SUCLG2: variants seen among roughly 807,000 people sequenced by gnomAD.
The protein encoded by SUCLG2 is succinate-CoA ligase GDP-forming subunit beta.
Under a neutral mutation model 47.9 loss-of-function variants are expected in SUCLG2, and 42 were observed. The ratio of observed to expected loss-of-function variants is 0.88; its 90% CI spans 0.69 to 1.14. The LOEUF (loss-of-function observed/expected upper bound fraction) is 1.14, where lower values mean the gene tolerates loss of function less well. SUCLG2 is among the 50% of genes most tolerant of loss of function. The probability of loss-of-function intolerance (pLI) is 0.00; values close to 1 mark genes in which losing one functional copy is unlikely to be tolerated. For missense variants in SUCLG2, 571 were observed against 525.9 expected (o/e 1.09, Z -0.84); for synonymous variants, 195 against 197.3 (o/e 0.99, Z 0.10).
intron 9 of SUCLG2, among the ~76,000 whole-genome samples, chr3:67,420,868 T>A (rs1457739250): frequency 6.6e-6 from 1 of 152,208 alleles, no homozygotes; most frequent in African/African-American, 2.4e-5. Flanking sequence ...GTAAGAAACA[T>A]GACTGTCATC....
At chr3:67,442,372 C>T (rs959876527) in intron 9 of SUCLG2, among the ~76,000 whole-genome samples, 4 of 152,146 alleles carry the variant, frequency 2.6e-5, no homozygotes, top group African/African-American at 9.7e-5. Context: ...ACTATGGTAC[C>T]TGGAACAGCG....
intron 1 of SUCLG2, among the ~76,000 whole-genome samples, chr3:67,623,030 A>G (rs563355648): frequency 6.6e-6 from 1 of 152,362 alleles, no homozygotes; most frequent in African/African-American, 2.4e-5. Context: ...AAATAACTCT[A>G]GAAGTTGTTT....
At chr3:67,514,337 G>T in intron 6 of SUCLG2, 2 of 374,354 alleles carry the variant, frequency 5.3e-6, no homozygotes, top group South Asian at 5.3e-5. Context: ...TGGCAATGAT[G>T]ACTATGTGTA....
chr3:67,362,649 G>A lies in SUCLG2; in HGVS notation c.1184-1881C>T, dbSNP rs181381382. Among the ~76,000 whole-genome samples the A allele has an allele frequency of 1.5e-3, 227 of 152,250 alleles. 1 individual carries two copies. The highest frequency in any genetic ancestry group is 4.7e-3 in the African/African-American group (197 of 41,558). ...AGATAATATAGTGTATTAGGTACAC[G>A]CTACCTAATGCAGTGACAGGCACCA... is the stretch of plus-strand genomic sequence containing the variant. On this transcript the variant is annotated intron_variant, in intron 10 of 10. Coordinates refer to the SUCLG2 transcript ENST00000493112.
chr3:67,393,160 A>G (rs1050061662), intron 10 of SUCLG2, among the ~76,000 whole-genome samples: 1 of 152,236 alleles, frequency 6.6e-6, no homozygotes, highest in African/African-American at 2.4e-5. Context: ...GGAGTGCCAG[A>G]CAGTGGGCGC....
intron 2 of SUCLG2, among the ~76,000 whole-genome samples, chr3:67,559,248 G>A (rs985550400): frequency 1.4e-4 from 21 of 152,256 alleles, no homozygotes; most frequent in African/African-American, 4.3e-4. Flanking sequence ...TAGTATGAAC[G>A]AGTAAGAAAA....
At chr3:67,520,340 G>A in intron 5 of SUCLG2, 142 bp downstream of exon 5, 3 of 1,225,514 alleles carry the variant, frequency 2.4e-6, no homozygotes, top group Non-Finnish European at 3.5e-6. Flanking sequence ...TGGATACCCA[G>A]AAAGAAAAAG....
At chr3:67,487,288 T>C (rs1705078504) in intron 9 of SUCLG2, among the ~76,000 whole-genome samples, 2 of 152,102 alleles carry the variant, frequency 1.3e-5, no homozygotes, top group African/African-American at 4.8e-5. Flanking sequence ...ACAAGTTTCA[T>C]GGGAAACTAA....
At chr3:67,431,756 G>A (rs755602699) in intron 9 of SUCLG2, among the ~76,000 whole-genome samples, 2 of 148,612 alleles carry the variant, frequency 1.3e-5, no homozygotes, top group Non-Finnish European at 3.0e-5. Flanking sequence ...CGGGAGGGGG[G>A]AGGGATACCA....
At chr3:67,626,322 C>A (rs1446666489) in intron 1 of SUCLG2, among the ~76,000 whole-genome samples, 1 of 151,168 alleles carries the variant, frequency 6.6e-6, no homozygotes, top group Non-Finnish European at 1.5e-5. Context: ...GAAGGCTGGG[C>A]ACCCATGGAG....
At chr3:67,429,216 C>G (rs927496743) in intron 9 of SUCLG2, among the ~76,000 whole-genome samples, 6 of 152,154 alleles carry the variant, frequency 3.9e-5, no homozygotes, top group Non-Finnish European at 8.8e-5. Context: ...GTCGGGTTAT[C>G]CACAAAGGGA....
chr3:67,641,458 G>C lies in SUCLG2; in HGVS notation c.84+13045C>G, dbSNP rs538964013. ...TGGTCACATATTAGGTTGGTGCAAA[G>C]TTACAAATTTCAAAAACCGCAATTA... is the stretch of plus-strand genomic sequence containing the variant. On this transcript the variant is annotated intron_variant, in intron 1 of 10. Coordinates refer to ENST00000307227, the MANE Select transcript of SUCLG2 (RefSeq NM_003848.4). 2.8e-3 allele frequency among the ~76,000 whole-genome samples: 429 copies of C among 152,250 alleles called. 3 individuals are homozygous for C. The highest frequency in any genetic ancestry group is 9.6e-3 in the African/African-American group (400 of 41,546).
intron 7 of SUCLG2, among the ~76,000 whole-genome samples, chr3:67,506,479 T>TA (rs1009028047): frequency 9.3e-5 from 14 of 150,706 alleles, no homozygotes; most frequent in Admixed American, 2.7e-4. Flanking sequence ...ATGATTCCCT[T>TA]AAAAAAAAAT....
At chr3:67,397,701 A>T (rs1378938826) in intron 10 of SUCLG2, among the ~76,000 whole-genome samples, 1 of 152,102 alleles carries the variant, frequency 6.6e-6, no homozygotes, top group African/African-American at 2.4e-5. Flanking sequence ...AAAAAGAGCC[A>T]GCATTGCCAA....
At chr3:67,640,914 C>T (rs1015531827) in intron 1 of SUCLG2, among the ~76,000 whole-genome samples, 7 of 152,028 alleles carry the variant, frequency 4.6e-5, no homozygotes, top group African/African-American at 1.7e-4. Flanking sequence ...TTTCAAAAGG[C>T]CTGGAACATA....
intron 2 of SUCLG2, among the ~76,000 whole-genome samples, chr3:67,533,479 T>G (rs897195237): frequency 6.6e-6 from 1 of 152,192 alleles, no homozygotes; most frequent in Non-Finnish European, 1.5e-5. Flanking sequence ...TCACCTTCCC[T>G]GAGAGTTGAT....
intron 1 of SUCLG2, among the ~76,000 whole-genome samples, chr3:67,624,811 A>C (rs1700794829): frequency 6.6e-6 from 1 of 152,208 alleles, no homozygotes; most frequent in South Asian, 2.1e-4. Context: ...AAAAATTTAT[A>C]CCCAAGTGCA....
chr3:67,373,594 T>G (rs1701982867), downstream of SUCLG2, among the ~76,000 whole-genome samples: 1 of 152,128 alleles, frequency 6.6e-6, no homozygotes, highest in South Asian at 2.1e-4. Flanking sequence ...TTATTGTAAA[T>G]GAACCGGGGC....
At chr3:67,586,791 A>G (rs1708031950) in intron 2 of SUCLG2, among the ~76,000 whole-genome samples, 1 of 152,222 alleles carries the variant, frequency 6.6e-6, no homozygotes. Flanking sequence ...CAGAGATTTA[A>G]GTAACTTGTT....
Sources: allele counts gnomAD v4.1 joint callset (sites outside exome capture counted in the v4.1 genomes callset), GRCh38; gene constraint gnomAD v4.1.1; transcripts MANE v1.5; gene names NCBI Gene and HGNC (gene_info 2026-07-23, HGNC 2026-07-21).